Variants in CORO1B observed in about 807,000 individuals in gnomAD.
CORO1B encodes coronin-1B.
CORO1B carries 30 observed loss-of-function variants against 51.1 expected under a neutral mutation model. The ratio of observed to expected loss-of-function variants is 0.59; its 90% confidence interval spans 0.44 to 0.80. The LOEUF is 0.80. CORO1B is among the 30% of genes least tolerant of loss of function. The pLI is 0.00. For missense variants in CORO1B, 648 were observed against 700.4 expected (o/e 0.93, Z 0.84); for synonymous variants, 310 against 289.7 (o/e 1.07, Z -0.71).
intron 1 of CORO1B, 31 bp from the exon 2 acceptor site, chr11:67,442,661 G>A: frequency 6.2e-7 from 1 of 1,600,140 alleles, no homozygotes; most frequent in South Asian, 1.1e-5. Context: ...GGTCAGTCCG[G>A]CCCATCCCAA....
chr11:67,438,507 G>A lies in CORO1B; in HGVS notation c.1345-6C>T, dbSNP rs872375. On this transcript the variant is annotated splice_region_variant and splice_polypyrimidine_tract_variant and intron_variant, in intron 10 of 10. Transcript: ENST00000341356. ...TCCTCCAGCTTCCCAGCCTCCTGTGGGGACATGAAGCAGGGGTAGGGGGCG... is the reference window on the plus strand; with the variant it reads ...TCCTCCAGCTTCCCAGCCTCCTGTGAGGACATGAAGCAGGGGTAGGGGGCG... 0.41 allele frequency: 654,247 copies of A among 1,603,860 alleles called. 136,491 individuals carry two copies. Among genetic ancestry groups the A allele is most frequent in the Admixed American group, 0.52 (31,200 of 59,582 alleles).
chr11:67,438,551 G>A lies in CORO1B; in HGVS notation c.1345-50C>T, dbSNP rs370191098. The stretch of plus-strand genomic sequence containing the variant: ...GGGGGCGGTGGTCAGGGGCTGCTAA[G>A]CCATAGCCCTCCCAAACCCACCACT... On this transcript the variant is annotated intron_variant, in intron 10 of 10. Transcript: ENST00000341356. The A allele has an allele frequency of 1.3e-5, 20 of 1,573,234 alleles. No homozygotes were observed. The African/African-American group carries it at 2.3e-4, about 18-fold the overall frequency.
intron 1 of CORO1B, 22 bp from the exon 2 acceptor site, chr11:67,442,652 G>A: frequency 6.2e-7 from 1 of 1,609,894 alleles, no homozygotes; most frequent in Non-Finnish European, 8.5e-7. Context: ...AGAGGCCTGG[G>A]TCAGTCCGGC....
Position 67,435,557 on chromosome 11 carries a change from T to G in CORO1B, c.*2819A>C. 31 of 900,050 alleles carry G rather than the reference T, an allele frequency of 3.4e-5. No homozygotes were observed. The highest frequency in any genetic ancestry group is 4.6e-5 in the Non-Finnish European group (29 of 632,724). The allele number at this position is 900,050 out of a possible 1,614,324, so 55.8% of individuals were successfully genotyped here. ...TCAAATGGTTGCCTGATGCCTGTGG[T>G]TGGGGGGGGCCGTTCCCGTGGTGAG... On this transcript the variant is annotated 3_prime_UTR_variant, in exon 11 of 11. Transcript: ENST00000341356.
chr11:67,442,776 G>T, intron 1 of CORO1B, 146 bp from the exon 2 acceptor site: 1 of 763,312 alleles, frequency 1.3e-6, no homozygotes, highest in Non-Finnish European at 2.1e-6. Context: ...TTACAGAATG[G>T]GGTCACAGGT....
intron 3 of CORO1B, 23 bp from the exon 4 acceptor site, chr11:67,441,885 G>A (rs778205713): frequency 5.6e-6 from 9 of 1,613,106 alleles, no homozygotes; most frequent in East Asian, 2.2e-5. Context: ...CAGGGCCACC[G>A]AGCTCAGTCC....
chr11:67,438,272 G>T lies in CORO1B; in HGVS notation c.*104C>A. ...GGGGGTGGGAACTGACCCCTGCGCT[G>T]CCTCAGAGGCTCTGGGCAGCCAGCT... is the stretch of plus-strand genomic sequence containing the variant. On this transcript the variant is annotated 3_prime_UTR_variant, in exon 11 of 11. Transcript: ENST00000341356. The T allele has an allele frequency of 6.8e-7, 1 of 1,468,738 alleles. No homozygotes were observed. The highest frequency in any genetic ancestry group is 1.3e-5 in the South Asian group (1 of 78,304). The allele number at this position is 1,468,738 out of a possible 1,614,324, so 91.0% of individuals were successfully genotyped here. A position where few individuals can be genotyped will look rare whatever the true frequency, so the allele number is the denominator to read the frequency against.
rs1343566767 is a variant in CORO1B at position 67,436,332 on chromosome 11, C to T, written c.*2044G>A. Reference sequence around the variant, plus strand: ...GGCAGGGCCAGCAGCATCCCGAGCCCTAAGGTGCAGGGCAGAGCCTGTGGG... The same window carrying T: ...GGCAGGGCCAGCAGCATCCCGAGCCTTAAGGTGCAGGGCAGAGCCTGTGGG... On this transcript the variant is annotated 3_prime_UTR_variant, in exon 11 of 11. Transcript: ENST00000341356. The T allele has an allele frequency of 6.7e-7, 1 of 1,501,564 alleles. No individual in the cohort carries two copies. Among genetic ancestry groups the T allele is most frequent in the Non-Finnish European group, 8.9e-7 (1 of 1,126,994 alleles). 93.0% of individuals were successfully genotyped at this position (1,501,564 alleles called of 1,614,324 possible).
intron 9 of CORO1B, 134 bp downstream of exon 9, chr11:67,439,652 G>T: frequency 2.1e-6 from 2 of 966,794 alleles, no homozygotes; most frequent in South Asian, 1.4e-5. Context: ...ACAAGGGCAA[G>T]CTGGCATCTG....
At chr11:67,439,413 C>G (rs1184810805) in intron 9 of CORO1B, among the ~76,000 whole-genome samples, 1 of 152,238 alleles carries the variant, frequency 6.6e-6, no homozygotes, top group East Asian at 1.9e-4. Flanking sequence ...CTCCTTGTTC[C>G]TCTCTCCATT....
chr11:67,443,738 C>G (rs1864443239), upstream of CORO1B: 3 of 985,232 alleles, frequency 3.0e-6, no homozygotes, highest in Non-Finnish European at 3.6e-6. Context: ...GCCGCAGGTG[C>G]GGGTGCAGCC....
chr11:67,435,729 G>A lies in CORO1B; in HGVS notation c.*2647C>T. The A allele has an allele frequency of 6.6e-7, 1 of 1,515,558 alleles. No individual in the cohort carries two copies. Among genetic ancestry groups the A allele is most frequent in the Non-Finnish European group, 8.8e-7 (1 of 1,135,040 alleles). 93.9% of individuals were successfully genotyped at this position (1,515,558 alleles called of 1,614,324 possible). The stretch of plus-strand genomic sequence containing the variant: ...TGACAGGGATGGGACACCAAGACCG[G>A]CCTCTACAGTGCGGTGACATGGAGG... On this transcript the variant is annotated 3_prime_UTR_variant, in exon 11 of 11. Coordinates refer to ENST00000341356, the MANE Select transcript of CORO1B (RefSeq NM_020441.3).
intron 2 of CORO1B, 85 bp from the exon 3 acceptor site, chr11:67,442,173 G>A (rs1319277758): frequency 6.4e-6 from 10 of 1,568,804 alleles, no homozygotes; most frequent in Middle Eastern, 2.1e-4. Context: ...TGACATGCAC[G>A]TCCCGGCTCA....
Position 67,438,364 on chromosome 11 carries a change from GTGGCTGTGGCCC to G in CORO1B, c.1470_*11del. The G allele has an allele frequency of 6.3e-7, 1 of 1,588,780 alleles. No individual in the cohort carries two copies. The stretch of plus-strand genomic sequence containing the variant: ...GCGGCGGAGGAGATGAAGGTGGCGT[GTGGCTGTGGCCC>G]TACGCATCCCCGTTCTCCATGCGGC... On this transcript the variant is annotated stop_lost and 3_prime_UTR_variant, in exon 11 of 11. Transcript: ENST00000341356.
At chr11:67,443,783 T>G, upstream of CORO1B, 1 of 985,238 alleles carries the variant, frequency 1.0e-6, no homozygotes, top group African/African-American at 1.7e-5. Flanking sequence ...GCGTTCTTGC[T>G]CCTCATAATG....
rs755233343 is a variant in CORO1B, at chr11:67,435,736, C to T, written c.*2640G>A. 5 of 1,527,082 alleles carry T rather than the reference C, an allele frequency of 3.3e-6. No individual in the cohort carries two copies. Among genetic ancestry groups the T allele is most frequent in the African/African-American group, 2.8e-5 (2 of 72,618 alleles). 94.6% of individuals were successfully genotyped at this position (1,527,082 alleles called of 1,614,324 possible). A position where few individuals can be genotyped will look rare whatever the true frequency, so the allele number is the denominator to read the frequency against. ...GATGGGACACCAAGACCGGCCTCTACAGTGCGGTGACATGGAGGCCCTGGC... is the reference window on the plus strand; with the variant it reads ...GATGGGACACCAAGACCGGCCTCTATAGTGCGGTGACATGGAGGCCCTGGC... On this transcript the variant is annotated 3_prime_UTR_variant, in exon 11 of 11. Coordinates refer to ENST00000341356, the MANE Select transcript of CORO1B (RefSeq NM_020441.3).
chr11:67,435,652 C>T lies in CORO1B; in HGVS notation c.*2724G>A. 6.7e-7 allele frequency: 1 copy of T among 1,487,376 alleles called. No individual in the cohort carries two copies. The highest frequency in any genetic ancestry group is 1.4e-5 in the South Asian group (1 of 73,696). 92.1% of individuals were successfully genotyped at this position (1,487,376 alleles called of 1,614,324 possible). A position where few individuals can be genotyped will look rare whatever the true frequency, so the allele number is the denominator to read the frequency against. ...AGGCATGGTCATGTGGGCTGGGGGT[C>T]CAGTCCAGCCATGGCATCTTGGGAA... On this transcript the variant is annotated 3_prime_UTR_variant, in exon 11 of 11. Coordinates refer to ENST00000341356, the MANE Select transcript of CORO1B (RefSeq NM_020441.3).
chr11:67,441,867 G>A lies in CORO1B; in HGVS notation c.325-5C>T. On this transcript the variant is annotated splice_region_variant and splice_polypyrimidine_tract_variant and intron_variant, in intron 3 of 10. Coordinates refer to ENST00000341356, the MANE Select transcript of CORO1B (RefSeq NM_020441.3). ...GTTCTCTGGGATCTGCCACACCTGT[G>A]GTAGGGACAGGGCCACCGAGCTCAG... 1 of 1,613,202 alleles carries A rather than the reference G, an allele frequency of 6.2e-7. No homozygotes were observed. The highest frequency in any genetic ancestry group is 8.5e-7 in the Non-Finnish European group (1 of 1,179,990).
At chr11:67,440,939 G>A (rs1864380912) in intron 6 of CORO1B, 186 bp downstream of exon 6, 1 of 762,736 alleles carries the variant, frequency 1.3e-6, no homozygotes, top group African/African-American at 1.7e-5. Flanking sequence ...AGGCCATGGG[G>A]GAGTGGTGGG....
Sources: gnomAD v4.1 joint callset for allele counts (sites outside exome capture counted in the v4.1 genomes callset) on GRCh38, gnomAD v4.1.1 for gene constraint, MANE v1.5 for transcripts, NCBI Gene and HGNC (gene_info 2026-07-23, HGNC 2026-07-21) for gene names.